Variants in FGF1 observed in about 807,000 individuals in gnomAD.
FGF1 encodes the protein fibroblast growth factor 1.
A neutral mutation model predicts 13.4 loss-of-function variants in FGF1; 9 were observed. That is an observed-to-expected ratio of 0.67 (90% confidence interval 0.40 to 1.17). FGF1 has a LOEUF of 1.17. Ranked by LOEUF, FGF1 falls within the 50% of genes most tolerant of loss-of-function variation. The pLI is 0.01. For missense variants in FGF1, 156 were observed against 192.7 expected, an observed-to-expected ratio of 0.81 and a Z score of 1.13; for synonymous variants, 93 against 79.0, an observed-to-expected ratio of 1.18 and a Z score of -0.94.
chr5:142,688,830 T>C (rs920746624), upstream of FGF1, among the ~76,000 whole-genome samples: 1 of 152,212 alleles, frequency 6.6e-6, no homozygotes, highest in African/African-American at 2.4e-5. Flanking sequence ...ATGGACTCAA[T>C]GCAGAGCACT....
chr5:142,635,130 C>T lies in FGF1; in HGVS notation c.-34-20969G>A, dbSNP rs900289688. On this transcript the variant is annotated intron_variant, in intron 1 of 3. Coordinates refer to ENST00000337706, the MANE Select transcript of FGF1 (RefSeq NM_000800.5). ...ATACTAGACTCCAGAGTCCGGGAGA[C>T]CTGGCTCCCCCTGTGGCTCTGCACT... Among the ~76,000 whole-genome samples, 13 of 152,284 alleles carry T rather than the reference C, an allele frequency of 8.5e-5. No individual in the cohort carries two copies. In the East Asian group the frequency reaches 1.7e-3, roughly 20 times the overall value.
chr5:142,655,480 C>G (rs867317313), intron 1 of FGF1, among the ~76,000 whole-genome samples: 4 of 152,312 alleles, frequency 2.6e-5, no homozygotes, highest in Middle Eastern at 3.4e-3. Context: ...ACTTTGCTCA[C>G]AGGCATTGGG....
chr5:142,669,882 C>T (rs899618718), intron 1 of FGF1, among the ~76,000 whole-genome samples: 3 of 152,056 alleles, frequency 2.0e-5, no homozygotes, highest in Non-Finnish European at 4.4e-5. Flanking sequence ...CCAGTGCAGC[C>T]GGTTACCACA....
intron 1 of FGF1, among the ~76,000 whole-genome samples, chr5:142,662,695 G>A (rs1474257111): frequency 6.6e-6 from 1 of 152,154 alleles, no homozygotes; most frequent in Non-Finnish European, 1.5e-5. Flanking sequence ...TGGAGTGCGT[G>A]AATGAAACAG....
chr5:142,626,835 T>A (rs1171066124), intron 1 of FGF1: 1 of 152,264 alleles, frequency 6.6e-6, no homozygotes, highest in East Asian at 1.9e-4. Context: ...TCCTTCAGAC[T>A]GTGTTGGAAA....
chr5:142,600,183 G>A (rs1301902205), intron 3 of FGF1, among the ~76,000 whole-genome samples: 1 of 152,094 alleles, frequency 6.6e-6, no homozygotes, highest in East Asian at 1.9e-4. Flanking sequence ...GCAACATAGT[G>A]AGACCTTGTC....
At chr5:142,660,860 T>C (rs528210230) in intron 1 of FGF1, among the ~76,000 whole-genome samples, 119 of 152,250 alleles carry the variant, frequency 7.8e-4, no homozygotes, top group Non-Finnish European at 1.4e-3. Context: ...TGCAAATCTT[T>C]CCACAAATCT....
intron 1 of FGF1, among the ~76,000 whole-genome samples, chr5:142,636,941 C>T (rs1246214130): frequency 1.3e-5 from 2 of 151,960 alleles, no homozygotes; most frequent in Admixed American, 6.5e-5. Context: ...GTGATGTTAT[C>T]AGATTTGCAT....
At chr5:142,642,415 A>G (rs1199676003) in intron 1 of FGF1, among the ~76,000 whole-genome samples, 1 of 152,232 alleles carries the variant, frequency 6.6e-6, no homozygotes, top group East Asian at 1.9e-4. Context: ...TCAGGGTCAG[A>G]AAACTCACAT....
intron 1 of FGF1, among the ~76,000 whole-genome samples, chr5:142,621,588 C>G (rs17223514): frequency 1.3e-5 from 2 of 152,150 alleles, no homozygotes; most frequent in Non-Finnish European, 2.9e-5. Context: ...GCTCTCCCAA[C>G]AGCAGACAGC....
At chr5:142,610,921 A>G (rs576816340) in intron 2 of FGF1, among the ~76,000 whole-genome samples, 9 of 152,330 alleles carry the variant, frequency 5.9e-5, no homozygotes, top group Admixed American at 2.0e-4. Flanking sequence ...GGAATGATCA[A>G]TGACTTGGGG....
chr5:142,680,899 G>A (rs1279204456), intron 1 of FGF1: 1 of 152,146 alleles, frequency 6.6e-6, no homozygotes, highest in Non-Finnish European at 1.5e-5. Context: ...AGAAAATGCA[G>A]AATCCTGGGT....
intron 1 of FGF1, among the ~76,000 whole-genome samples, chr5:142,676,305 C>G (rs545154449): frequency 4.9e-4 from 75 of 152,324 alleles, no homozygotes; most frequent in African/African-American, 1.7e-3. Context: ...CTGTGCATTG[C>G]GTGCTAAAAC....
chr5:142,664,792 G>A (rs979313983), intron 1 of FGF1, among the ~76,000 whole-genome samples: 8 of 152,170 alleles, frequency 5.3e-5, no homozygotes, highest in Non-Finnish European at 7.3e-5. Context: ...GCCCAGCTGA[G>A]GACAAGTCTT....
chr5:142,684,767 C>T (rs1027061497), intron 1 of FGF1, among the ~76,000 whole-genome samples: 7 of 152,262 alleles, frequency 4.6e-5, no homozygotes, highest in Non-Finnish European at 5.9e-5. Context: ...AGCCCTGATG[C>T]CACTGCTGCT....
At chr5:142,600,408 T>C (rs937012413) in intron 3 of FGF1, among the ~76,000 whole-genome samples, 2 of 152,108 alleles carry the variant, frequency 1.3e-5, no homozygotes, top group Non-Finnish European at 2.9e-5. Context: ...AATGAATGAA[T>C]GAATGGAATG....
At chr5:142,663,916 G>C (rs1242766216) in intron 1 of FGF1, among the ~76,000 whole-genome samples, 1 of 152,146 alleles carries the variant, frequency 6.6e-6, no homozygotes, top group Non-Finnish European at 1.5e-5. Context: ...AAAGTTCAGC[G>C]TCAGGGATGA....
intron 3 of FGF1, among the ~76,000 whole-genome samples, chr5:142,600,134 C>T (rs1419233225): frequency 6.6e-6 from 1 of 152,174 alleles, no homozygotes; most frequent in Non-Finnish European, 1.5e-5. Flanking sequence ...CTTTGGAAGG[C>T]TGAGGCCGCT....
chr5:142,652,097 C>T (rs751186573), intron 1 of FGF1, among the ~76,000 whole-genome samples: 1 of 152,020 alleles, frequency 6.6e-6, no homozygotes, highest in Non-Finnish European at 1.5e-5. Flanking sequence ...AGACTCAGAC[C>T]CAGAGAAGTT....
Sources: gnomAD v4.1 joint callset for allele counts (sites outside exome capture counted in the v4.1 genomes callset) on GRCh38, gnomAD v4.1.1 for gene constraint, MANE v1.5 for transcripts, NCBI Gene and HGNC (gene_info 2026-07-23, HGNC 2026-07-21) for gene names.